Variants in CAPRIN2 observed in about 807,000 individuals in gnomAD.
The protein encoded by CAPRIN2 is caprin-2.
A neutral mutation model predicts 130.4 loss-of-function variants in CAPRIN2; 66 were observed. The ratio of observed to expected loss-of-function variants is 0.51; its 90% CI spans 0.42 to 0.62. CAPRIN2 has a LOEUF of 0.62. Among genes scored for constraint, CAPRIN2 ranks in the 20% least tolerant of loss-of-function variants. The probability of loss-of-function intolerance (pLI) is 0.00; values close to 1 mark genes in which losing one functional copy is unlikely to be tolerated. For synonymous variants in CAPRIN2, 471 were observed against 444.1 expected (o/e 1.06, Z -0.76); for missense variants, 1,185 against 1,246.6 (o/e 0.95, Z 0.74).
chr12:30,747,088 G>T (rs1159537581), intron 2 of CAPRIN2, among the ~76,000 whole-genome samples: 3 of 152,070 alleles, frequency 2.0e-5, no homozygotes, highest in Non-Finnish European at 2.9e-5. Flanking sequence ...AAAATCCTAG[G>T]ACCCTTAAGA....
At chr12:30,724,403 G>T (rs764843477) in exon 10 of CAPRIN2, 1 of 1,613,302 alleles carries the variant, frequency 6.2e-7, no homozygotes, top group South Asian at 1.1e-5. Flanking sequence ...GAAGGCGGTT[G>T]TGACGTTGGA....
exon 1 of CAPRIN2, chr12:30,753,686 T>C: frequency 1.9e-6 from 3 of 1,614,122 alleles, no homozygotes; most frequent in Non-Finnish European, 2.5e-6. Context: ...CCCTGGAAAG[T>C]CTAGACCACT....
At chr12:30,741,498 C>A (rs555590470) in intron 2 of CAPRIN2, among the ~76,000 whole-genome samples, 1 of 152,220 alleles carries the variant, frequency 6.6e-6, no homozygotes, top group East Asian at 1.9e-4. Context: ...CAAGCAACTT[C>A]AAGACATTTA....
chr12:30,735,223 CTAATTAAG>C lies in CAPRIN2; in HGVS notation c.571-25_571-18del. 1 of 1,583,628 alleles carries C rather than the reference CTAATTAAG, an allele frequency of 6.3e-7. No individual in the cohort carries two copies. Among genetic ancestry groups the C allele is most frequent in the South Asian group, 1.1e-5 (1 of 90,416 alleles). ...TTTTAGTAGCTGTTAAAACAAATGGCTAATTAAGGGTAACAATTCTCTACCATCCCATA... is the reference window on the plus strand; with the variant it reads ...TTTTAGTAGCTGTTAAAACAAATGGCGGTAACAATTCTCTACCATCCCATA... On this transcript the variant is annotated intron_variant, in intron 3 of 16. Transcript: ENST00000298892.
chr12:30,751,270 C>T (rs150354681), intron 1 of CAPRIN2, 137 bp from the exon 3 acceptor site: 47 of 679,932 alleles, frequency 6.9e-5, no homozygotes, highest in African/African-American at 2.8e-4. Flanking sequence ...TTTTACTATA[C>T]GGCATGCAGC....
rs2054222124 is a variant in CAPRIN2 at position 30,710,948 on chromosome 12, C to CA, written c.2666-479_2666-478insT. 6.6e-6 allele frequency among the ~76,000 whole-genome samples: 1 copy of CA among 152,122 alleles called. No individual in the cohort carries two copies. Among genetic ancestry groups the CA allele is most frequent in the Non-Finnish European group, 1.5e-5 (1 of 68,026 alleles). On this transcript the variant is annotated intron_variant, in intron 16 of 16. Coordinates refer to ENST00000298892, the Ensembl canonical transcript of CAPRIN2. The surrounding 1 kb of genome is among the most constrained non-coding windows in gnomAD (Gnocchi z 4.8). ...GAACTAAGTCCCATGATGATGAATGCTTTTTTTATTTCCAAGTCATACACT... is the reference window on the plus strand; with the variant it reads ...GAACTAAGTCCCATGATGATGAATGCATTTTTTTATTTCCAAGTCATACACT...
intron 2 of CAPRIN2, among the ~76,000 whole-genome samples, chr12:30,745,876 T>G (rs1295413511): frequency 7.9e-5 from 12 of 152,168 alleles, no homozygotes; most frequent in Admixed American, 7.2e-4. Flanking sequence ...TGTATTAAAA[T>G]TTTATTAAAA....
At position 30,715,174 on chromosome 12, in the gene CAPRIN2, G is replaced by C. The variant is rs751929457; in HGVS notation, c.2318-33C>G. On this transcript the variant is annotated intron_variant, in intron 13 of 16. Transcript: ENST00000298892. ...AGAAAAACGATTTTAGGGTCCAAGAGTTAAATGGTAATAGTCTTTATACTT... is the reference window on the plus strand; with the variant it reads ...AGAAAAACGATTTTAGGGTCCAAGACTTAAATGGTAATAGTCTTTATACTT... 6 of 1,576,576 alleles carry C rather than the reference G, an allele frequency of 3.8e-6. No individual in the cohort carries two copies. The South Asian group carries it at 6.7e-5, about 18-fold the overall frequency.
chr12:30,719,467 T>G (rs1308596396), intron 12 of CAPRIN2: 1 of 448,026 alleles, frequency 2.2e-6, no homozygotes, highest in Non-Finnish European at 4.0e-6. Flanking sequence ...GTCTAACAGA[T>G]GAGGGGCTGA....
intron 11 of CAPRIN2, among the ~76,000 whole-genome samples, chr12:30,721,350 C>G (rs1246357619): frequency 7.2e-6 from 1 of 138,202 alleles, no homozygotes; most frequent in Non-Finnish European, 1.7e-5. Context: ...TGCCAGAGAT[C>G]ATAGTATAAC....
At chr12:30,738,141 T>C (rs377173980) in intron 3 of CAPRIN2, among the ~76,000 whole-genome samples, 8 of 152,182 alleles carry the variant, frequency 5.3e-5, no homozygotes, top group African/African-American at 1.9e-4. Context: ...TCAAAAGTAC[T>C]GCCAAGCACC....
chr12:30,750,928 A>AG lies in CAPRIN2; in HGVS notation c.483+142_483+143insC, dbSNP rs2073487855. On this transcript the variant is annotated intron_variant, in intron 2 of 16. Transcript: ENST00000298892. Reference sequence around the variant, plus strand: ...CTGAGATCTAACAGGCACAAACAACAAAGTCTTCTGAAACAGTTTTGAACA... The same window carrying AG: ...CTGAGATCTAACAGGCACAAACAACAGAAGTCTTCTGAAACAGTTTTGAACA... The AG allele has an allele frequency of 6.0e-6, 4 of 665,456 alleles. No homozygotes were observed. In the African/African-American group the frequency reaches 7.2e-5, roughly 12 times the overall value. The allele number at this position is 665,456 out of a possible 1,614,324, so 41.2% of individuals were successfully genotyped here.
At chr12:30,724,706 G>A (rs1371367733) in intron 9 of CAPRIN2, among the ~76,000 whole-genome samples, 1 of 152,100 alleles carries the variant, frequency 6.6e-6, no homozygotes, top group Non-Finnish European at 1.5e-5. Context: ...AACCACAAGA[G>A]TAGGCCGTGC....
chr12:30,709,824 C>A, exon 17 of CAPRIN2: 1 of 1,483,626 alleles, frequency 6.7e-7, no homozygotes. Flanking sequence ...ACCAATCAGT[C>A]ATGAGGGCAA....
At chr12:30,729,679 T>C (rs2061994128) in intron 7 of CAPRIN2, among the ~76,000 whole-genome samples, 1 of 152,190 alleles carries the variant, frequency 6.6e-6, no homozygotes, top group South Asian at 2.1e-4. Flanking sequence ...CCCTCAAACA[T>C]TAAAAGGCAG....
intron 12 of CAPRIN2, among the ~76,000 whole-genome samples, chr12:30,718,830 T>A (rs938009742): frequency 6.6e-6 from 1 of 152,236 alleles, no homozygotes; most frequent in Non-Finnish European, 1.5e-5. Context: ...ATCCTCAGCT[T>A]TGCCTGCTAC....
rs2054006969 is a variant in CAPRIN2 at position 30,710,592 on chromosome 12, G to T, written c.2666-122C>A. 6 of 1,409,604 alleles carry T rather than the reference G, an allele frequency of 4.3e-6. No individual in the cohort carries two copies. The highest frequency in any genetic ancestry group is 2.0e-4 in the Middle Eastern group (1 of 5,046). The allele number at this position is 1,409,604 out of a possible 1,614,324, so 87.3% of individuals were successfully genotyped here. On this transcript the variant is annotated intron_variant, in intron 16 of 16. Transcript: ENST00000298892. The surrounding 1 kb of genome is among the most constrained non-coding windows in gnomAD (Gnocchi z 4.8). Reference sequence around the variant, plus strand: ...TTTTATAGTAAATTCCAAAACAAAAGCAATATATAGCTAGATTATACTTTT... The same window carrying T: ...TTTTATAGTAAATTCCAAAACAAAATCAATATATAGCTAGATTATACTTTT...
At chr12:30,753,379 G>A (rs771895116) in exon 1 of CAPRIN2, 1 of 1,612,804 alleles carries the variant, frequency 6.2e-7, no homozygotes, top group Non-Finnish European at 8.5e-7. Flanking sequence ...TTGTGTTTAA[G>A]GCATATGAGT....
chr12:30,742,007 CT>C (rs780238053), intron 2 of CAPRIN2, among the ~76,000 whole-genome samples: 1 of 151,938 alleles, frequency 6.6e-6, no homozygotes, highest in Non-Finnish European at 1.5e-5. Context: ...ATGGATAAAC[CT>C]CAAAAATATG....
Sources: gnomAD v4.1 joint callset for allele counts (sites outside exome capture counted in the v4.1 genomes callset) on GRCh38, gnomAD v4.1.1 for gene constraint, Gnocchi (gnomAD v3.1) non-coding constraint, MANE v1.5 for transcripts, NCBI Gene and HGNC (gene_info 2026-07-23, HGNC 2026-07-21) for gene names.